Variants in HDAC4 observed in about 807,000 individuals in gnomAD.
HDAC4 encodes the protein histone deacetylase 4.
HDAC4 carries 16 observed loss-of-function variants against 135.1 expected under a neutral mutation model. The ratio of observed to expected loss-of-function variants is 0.12; its 90% CI spans 0.08 to 0.18. The LOEUF is 0.18. HDAC4 is among the 10% of genes least tolerant of loss of function. The pLI, the probability that HDAC4 is intolerant of heterozygous loss-of-function variation, is 1.00. For synonymous variants in HDAC4, 685 were observed against 653.4 expected (o/e 1.05, Z -0.74); for missense variants, 1,143 against 1,511.8 (o/e 0.76, Z 4.05).
intron 6 of HDAC4, chr2:239,162,133 C>A (rs1157605178): frequency 2.2e-6 from 1 of 456,848 alleles, no homozygotes; most frequent in Non-Finnish European, 4.4e-6. Flanking sequence ...AGCAGCCCCA[C>A]TGCTCTAGTC....
chr2:239,276,325 A>T (rs1011506436), intron 2 of HDAC4, among the ~76,000 whole-genome samples: 11 of 152,222 alleles, frequency 7.2e-5, no homozygotes, highest in African/African-American at 2.7e-4. Context: ...CCGCCAACAG[A>T]GAGGCCTGTC....
intron 2 of HDAC4, among the ~76,000 whole-genome samples, chr2:239,254,892 A>G (rs2048971559): frequency 6.6e-6 from 1 of 152,252 alleles, no homozygotes; most frequent in Admixed American, 6.5e-5. Context: ...AAAAGCACCA[A>G]GGTAGGAAAG....
At chr2:239,122,786 A>C (rs1045975894) in intron 12 of HDAC4, among the ~76,000 whole-genome samples, 10 of 152,190 alleles carry the variant, frequency 6.6e-5, no homozygotes, top group African/African-American at 2.4e-4. Context: ...TGATGTTTCC[A>C]AAACAACTGC....
At chr2:239,181,559 T>C (rs1028771856) in intron 4 of HDAC4, among the ~76,000 whole-genome samples, 7 of 152,350 alleles carry the variant, frequency 4.6e-5, no homozygotes, top group African/African-American at 1.4e-4. Flanking sequence ...ATGAACTTCT[T>C]GGGGATGGTG....
intron 2 of HDAC4, among the ~76,000 whole-genome samples, chr2:239,264,892 G>A (rs2049623465): frequency 6.6e-6 from 1 of 152,234 alleles, no homozygotes; most frequent in Admixed American, 6.5e-5. Context: ...TGCTGCTGGA[G>A]GTGTGGCAAT....
At chr2:239,273,466 A>T (rs530781307) in intron 2 of HDAC4, among the ~76,000 whole-genome samples, 2 of 152,318 alleles carry the variant, frequency 1.3e-5, no homozygotes, top group East Asian at 1.9e-4. Context: ...TGATGAGGGC[A>T]CTTCCTCTCT....
intron 7 of HDAC4, among the ~76,000 whole-genome samples, chr2:239,152,980 CTG>C (rs1559520658): frequency 6.6e-6 from 1 of 152,226 alleles, no homozygotes; most frequent in Non-Finnish European, 1.5e-5. Context: ...GATGACGAAA[CTG>C]AGGCACAGAG....
chr2:239,187,250 G>C (rs1329586992), intron 4 of HDAC4: 1 of 152,572 alleles, frequency 6.6e-6, no homozygotes, highest in Admixed American at 6.5e-5. Flanking sequence ...CTTCTGAGAG[G>C]CACAGGGCAG....
At chr2:239,137,809 G>C (rs1478071170) in intron 9 of HDAC4, among the ~76,000 whole-genome samples, 2 of 152,326 alleles carry the variant, frequency 1.3e-5, no homozygotes, top group South Asian at 4.1e-4. Flanking sequence ...ACATGCAAAG[G>C]CTGCCCGTGC....
At position 239,308,771 on chromosome 2, in the gene HDAC4, C is replaced by A. The variant is rs2052733130; in HGVS notation, c.22+43907G>T. ...AGACTGCTGTCCGCCAGCGCCCTCA[C>A]TCCCCCAGGGCCTGTACCTGTAGCA... On this transcript the variant is annotated intron_variant, in intron 2 of 26. Transcript: ENST00000543185. The surrounding 1 kb of genome is among the most constrained non-coding windows in gnomAD (Gnocchi z 4.2). 6.6e-6 allele frequency among the ~76,000 whole-genome samples: 1 copy of A among 152,206 alleles called. No individual in the cohort carries two copies. Among genetic ancestry groups the A allele is most frequent in the Admixed American group, 6.5e-5 (1 of 15,288 alleles).
At chr2:239,236,495 C>G (rs991812161) in intron 3 of HDAC4, 98 bp downstream of exon 3, 7 of 963,876 alleles carry the variant, frequency 7.3e-6, no homozygotes, top group Middle Eastern at 5.7e-4. Context: ...CACCTCCCCC[C>G]TCGCCCTCTC....
intron 22 of HDAC4, among the ~76,000 whole-genome samples, chr2:239,076,302 C>A (rs568531192): frequency 3.2e-4 from 49 of 152,348 alleles, no homozygotes; most frequent in Admixed American, 2.8e-3. Flanking sequence ...GAAAGGCCAT[C>A]GCTCGTGCAG....
intron 2 of HDAC4, among the ~76,000 whole-genome samples, chr2:239,296,128 A>C (rs2051874267): frequency 6.6e-6 from 1 of 152,230 alleles, no homozygotes; most frequent in South Asian, 2.1e-4. Flanking sequence ...GGAGCACCAA[A>C]CTGGAGCCTG....
chr2:239,380,153 AAACAGCAC>A (rs1423821927), intron 1 of HDAC4, among the ~76,000 whole-genome samples: 1 of 152,252 alleles, frequency 6.6e-6, no homozygotes, highest in Non-Finnish European at 1.5e-5. Context: ...CAGAGAAAGA[AAACAGCAC>A]AATCAGTTCT....
chr2:239,085,278 TACTC>T (rs1412142484), intron 19 of HDAC4, among the ~76,000 whole-genome samples: 3 of 152,140 alleles, frequency 2.0e-5, no homozygotes, highest in African/African-American at 7.2e-5. Context: ...TAGAGAGTCT[TACTC>T]AAGAGACCAA....
intron 17 of HDAC4, chr2:239,091,538 G>A (rs1203252590): frequency 6.6e-6 from 1 of 152,196 alleles, no homozygotes; most frequent in East Asian, 1.9e-4. Flanking sequence ...CAGGAGCCAG[G>A]CGTGTCCACC....
intron 2 of HDAC4, among the ~76,000 whole-genome samples, chr2:239,343,141 C>A (rs970255423): frequency 7.2e-5 from 11 of 152,104 alleles, no homozygotes; most frequent in Admixed American, 7.2e-4. Flanking sequence ...AGATATAATT[C>A]AAAAAAGTTT....
chr2:239,127,658 G>T (rs2040287646), intron 11 of HDAC4, among the ~76,000 whole-genome samples: 1 of 152,246 alleles, frequency 6.6e-6, no homozygotes, highest in East Asian at 1.9e-4. Context: ...AAATGACAAA[G>T]GAAGTAACCA....
Position 239,352,850 on chromosome 2 carries a change from CG to C in HDAC4, c.-152del. 1.3e-6 allele frequency: 1 copy of C among 795,634 alleles called. No individual in the cohort carries two copies. The allele number at this position is 795,634 out of a possible 1,614,324, so 49.3% of individuals were successfully genotyped here. ...CAGACGTTCAAGCGCCGAGCCTCGCCGGCAAGGTCTCATGAGCCAGGTAACC... is the reference window on the plus strand; with the variant it reads ...CAGACGTTCAAGCGCCGAGCCTCGCCGCAAGGTCTCATGAGCCAGGTAACC... On this transcript the variant is annotated 5_prime_UTR_variant, in exon 2 of 27. An upstream open reading frame in the 5' UTR loses its in-frame stop. Transcript: ENST00000543185. The surrounding 1 kb of genome is among the most constrained non-coding windows in gnomAD (Gnocchi z 4.4).
Sources: gnomAD v4.1 joint callset for allele counts (sites outside exome capture counted in the v4.1 genomes callset) on GRCh38, gnomAD v4.1.1 for gene constraint, Gnocchi (gnomAD v3.1) non-coding constraint, MANE v1.5 for transcripts, NCBI Gene and HGNC (gene_info 2026-07-23, HGNC 2026-07-21) for gene names.